The following MMS19 variants were observed in gnomAD, a reference collection of about 807,000 sequenced individuals.
MMS19 encodes MMS19 cytosolic iron-sulfur assembly component.
In MMS19, 77 loss-of-function variants were observed where a neutral mutation model predicts 129.8. The ratio of observed to expected loss-of-function variants is 0.59; its 90% confidence interval spans 0.49 to 0.72. The LOEUF (loss-of-function observed/expected upper bound fraction) is 0.72, where lower values mean the gene tolerates loss of function less well. MMS19 is among the 30% of genes least tolerant of loss of function. The pLI is 0.00. For missense variants in MMS19, 1,168 were observed against 1,266.3 expected, an observed-to-expected ratio of 0.92 and a Z score of 1.18; for synonymous variants, 491 against 502.8, an observed-to-expected ratio of 0.98 and a Z score of 0.31.
chr10:97,488,956 C>G (rs2038403400), intron 1 of MMS19, among the ~76,000 whole-genome samples: 1 of 152,000 alleles, frequency 6.6e-6, no homozygotes, highest in African/African-American at 2.4e-5. Context: ...ATTTTTTAAT[C>G]TTTTTTATTT....
chr10:97,477,202 G>A (rs1564665156), intron 6 of MMS19, 145 bp downstream of exon 6: 38 of 1,500,110 alleles, frequency 2.5e-5, no homozygotes, highest in Non-Finnish European at 3.3e-5. Context: ...TTCACTGGGA[G>A]GGAGCAGACC....
intron 8 of MMS19, among the ~76,000 whole-genome samples, chr10:97,471,807 G>C (rs921337207): frequency 6.6e-5 from 10 of 152,138 alleles, no homozygotes; most frequent in Non-Finnish European, 1.3e-4. Context: ...CACCGAACCT[G>C]GCCTGGTTTC....
chr10:97,459,312 A>G (rs1486287052), intron 28 of MMS19, 30 bp from the exon 29 acceptor site: 3 of 1,612,648 alleles, frequency 1.9e-6, no homozygotes, highest in Admixed American at 1.7e-5. Context: ...AGGTGAGAGC[A>G]TGCCCAGGGA....
At chr10:97,497,654 TG>T (rs2040038818) in intron 1 of MMS19, among the ~76,000 whole-genome samples, 1 of 152,154 alleles carries the variant, frequency 6.6e-6, no homozygotes. Context: ...AGTGGGGGTC[TG>T]GGAAGAAGAC....
intron 9 of MMS19, 144 bp downstream of exon 9, chr10:97,470,631 T>C: frequency 1.7e-6 from 1 of 593,632 alleles, no homozygotes; most frequent in Non-Finnish European, 3.0e-6. Context: ...ATCGAAGGTC[T>C]GAAGATACCT....
intron 15 of MMS19, 22 bp from the exon 16 acceptor site, chr10:97,466,607 AATCTC>A (rs1352835433): frequency 1.2e-6 from 2 of 1,600,800 alleles, no homozygotes; most frequent in African/African-American, 2.7e-5. Flanking sequence ...AGGGAACATG[AATCTC>A]ATCTTTCTTC....
upstream of MMS19, chr10:97,498,632 G>T: frequency 1.9e-6 from 1 of 512,972 alleles, no homozygotes; most frequent in Non-Finnish European, 3.4e-6. Context: ...TTCCCAGCCC[G>T]GCTCCCCGGG....
chr10:97,480,065 C>A (rs559826918), intron 3 of MMS19, among the ~76,000 whole-genome samples: 1 of 152,168 alleles, frequency 6.6e-6, no homozygotes, highest in South Asian at 2.1e-4. Context: ...AACATGGCTG[C>A]CCCCATGTAT....
At chr10:97,491,910 G>C (rs903481216) in intron 1 of MMS19, among the ~76,000 whole-genome samples, 19 of 152,014 alleles carry the variant, frequency 1.2e-4, no homozygotes, top group Admixed American at 1.1e-3. Flanking sequence ...GGAGGCCGAG[G>C]TGGGTGGATC....
Position 97,466,585 on chromosome 10 carries a change from T to G in MMS19, c.1424A>C (p.Asp475Ala). 1 of 1,612,390 alleles carries G rather than the reference T, an allele frequency of 6.2e-7. No individual in the cohort carries two copies. The change falls in exon 16 of 31, where the codon GAT (aspartate) becomes GCT (alanine). Residue 475 changes from aspartate to alanine, a missense_variant and splice_region_variant. Transcript: ENST00000438925. ...CTCCAAGTCCTCATAAGATAGGAGA[T>G]CTGTAGTTAGAAGGGAACATGAATC... ...RTLTVLGAQP[D>A]LLSYEDLELA... is the part of the protein sequence containing the mutation.
chr10:97,480,617 T>C (rs1187652237), intron 3 of MMS19, among the ~76,000 whole-genome samples: 3 of 152,198 alleles, frequency 2.0e-5, no homozygotes, highest in African/African-American at 7.2e-5. Context: ...AGTCCCGCTC[T>C]GTCATCCAGG....
intron 15 of MMS19, 28 bp downstream of exon 15, chr10:97,466,748 T>C (rs764521326): frequency 1.1e-5 from 18 of 1,613,744 alleles, no homozygotes; most frequent in Non-Finnish European, 1.5e-5. Context: ...GACCAATATT[T>C]TCCTCTTCTC....
intron 22 of MMS19, 28 bp downstream of exon 22, chr10:97,461,800 A>T: frequency 6.3e-7 from 1 of 1,598,150 alleles, no homozygotes; most frequent in Non-Finnish European, 8.5e-7. Context: ...AGGTTAAATA[A>T]CAGTACTTCC....
At chr10:97,498,020 A>C (rs893174498) in intron 1 of MMS19, among the ~76,000 whole-genome samples, 9 of 152,214 alleles carry the variant, frequency 5.9e-5, no homozygotes, top group African/African-American at 2.2e-4. Flanking sequence ...GCTGAGCCTC[A>C]GTTTCCTCAT....
Position 97,468,267 on chromosome 10 carries a change from G to T in MMS19, c.1203C>A (p.Phe401Leu). The T allele has an allele frequency of 6.3e-7, 1 of 1,590,492 alleles. No homozygotes were observed. The highest frequency in any genetic ancestry group is 1.1e-5 in the South Asian group (1 of 88,842). The change falls in exon 13 of 31, where the codon TTC (phenylalanine) becomes TTA (leucine). Residue 401 changes from phenylalanine (F) to leucine (L), a missense_variant. Phe to Leu is a conservative substitution (Grantham distance 22). This residue lies in a region of MMS19 where 831 missense variants were observed against 910.8 expected (regional missense o/e 0.91). Coordinates refer to ENST00000438925, the MANE Select transcript of MMS19 (RefSeq NM_022362.5). ...SNVLPLLLEQ[F>L]HKHSQSSQRR... ...GCTCCCTTACCTGACTGTGCTTGTG[G>T]AACTGTTCCAGCAGTAAAGGCAGTA...
At chr10:97,463,188 C>T (rs1380851964) in intron 19 of MMS19, among the ~76,000 whole-genome samples, 2 of 124,762 alleles carry the variant, frequency 1.6e-5, no homozygotes, top group Non-Finnish European at 3.3e-5. Flanking sequence ...TTTTTTGAGA[C>T]AGGAACAGGA....
rs748537924 is a variant in MMS19 at position 97,460,765 on chromosome 10, CAG to C, written c.2413-16_2413-15del. ...GGCCTTTGTTACCTGTAATTGGAGA[CAG>C]AGAGAGCAATTGGGGAATGACACTC... On this transcript the variant is annotated splice_polypyrimidine_tract_variant and intron_variant, in intron 24 of 30. Coordinates refer to ENST00000438925, the MANE Select transcript of MMS19 (RefSeq NM_022362.5). 6 of 1,590,506 alleles carry C rather than the reference CAG, an allele frequency of 3.8e-6. No individual in the cohort carries two copies. The highest frequency in any genetic ancestry group is 1.3e-5 in the African/African-American group (1 of 74,506).
intron 19 of MMS19, among the ~76,000 whole-genome samples, chr10:97,463,358 T>C (rs2032586703): frequency 6.6e-6 from 1 of 152,134 alleles, no homozygotes; most frequent in African/African-American, 2.4e-5. Context: ...CAGGGTCCCC[T>C]GTGTTGCCCA....
chr10:97,498,693 C>T (rs1465886982), upstream of MMS19: 8 of 409,662 alleles, frequency 2.0e-5, no homozygotes, highest in Middle Eastern at 6.4e-4. Context: ...GGGCGGTACG[C>T]ACCACGGGGG....
Sources: gnomAD v4.1 joint callset for allele counts (sites outside exome capture counted in the v4.1 genomes callset) on GRCh38, gnomAD v4.1.1 for gene constraint, gnomAD v4.1.1 regional missense constraint, MANE v1.5 for transcripts, NCBI Gene and HGNC (gene_info 2026-07-23, HGNC 2026-07-21) for gene names.